Variants in ATG7 observed in about 807,000 individuals in gnomAD.
The protein encoded by ATG7 is ubiquitin-like modifier-activating enzyme ATG7.
In ATG7, 70 loss-of-function variants were observed where a neutral mutation model predicts 82.4. That is an observed-to-expected ratio of 0.85 (90% CI 0.70 to 1.04). The LOEUF is 1.04. Among genes scored for constraint, ATG7 ranks in the 50% least tolerant of loss-of-function variants. ATG7 has a pLI of 0.00. For missense variants in ATG7, 792 were observed against 864.3 expected (o/e 0.92, Z 1.05); for synonymous variants, 287 against 313.0 (o/e 0.92, Z 0.88).
chr3:11,426,882 T>G lies in ATG7; in HGVS notation c.2035T>G (p.Leu679Val), dbSNP rs779294883. Residue 679 changes from leucine (L) to valine (V), a missense_variant, in exon 20 of 21, where the codon TTG becomes GTG. Transcript: ENST00000693202. ...FNSSHSFLED[L>V]TGLTLLHQET... ...TTCTTCACATTCCTTCTTAGAAGAC[T>G]TGACTGGTCTTACATTGCTGCATCA... 8 of 1,611,630 alleles carry G rather than the reference T, an allele frequency of 5.0e-6. No homozygotes were observed. In the African/African-American group the frequency reaches 9.4e-5, roughly 19 times the overall value.
chr3:11,279,125 G>A (rs866260122), intron 1 of ATG7, among the ~76,000 whole-genome samples: 1 of 152,198 alleles, frequency 6.6e-6, no homozygotes, highest in South Asian at 2.1e-4. Flanking sequence ...GGCTAGTGCT[G>A]TCATCTAACC....
At chr3:11,374,905 A>G (rs2077288892) in intron 18 of ATG7, among the ~76,000 whole-genome samples, 1 of 150,064 alleles carries the variant, frequency 6.7e-6, no homozygotes, top group East Asian at 1.9e-4. Flanking sequence ...AAAAAAAAAA[A>G]AAAAAAAAAA....
the ATG7 span, chr3:11,569,014 T>TTAATGATACGGC: frequency 5.4e-6 from 5 of 934,164 alleles, no homozygotes; most frequent in Admixed American, 1.0e-4. Context: ...CAGAGCTTTC[T>TTAATGATACGGC]GAGTACTGAA....
At chr3:11,402,259 C>T (rs561377405) in intron 19 of ATG7, among the ~76,000 whole-genome samples, 14 of 152,228 alleles carry the variant, frequency 9.2e-5, no homozygotes, top group Admixed American at 6.5e-4. Context: ...TGGTGAAACC[C>T]GGTTTCTACT....
At chr3:11,275,796 G>A (rs1941649764) in intron 1 of ATG7, among the ~76,000 whole-genome samples, 1 of 152,104 alleles carries the variant, frequency 6.6e-6, no homozygotes, top group Non-Finnish European at 1.5e-5. Context: ...GGCAGACTGA[G>A]GAATAGCCTA....
chr3:11,467,854 A>G lies in ATG7; in HGVS notation c.2079+40928A>G, dbSNP rs940793791. On this transcript the variant is annotated intron_variant, in intron 20 of 20. Transcript: ENST00000693202. ...TCTTGCCTAACAAAGTAACTGGTAC[A>G]TTATTGTTACTTAATATTTTTACCT... Among the ~76,000 whole-genome samples, 3 of 152,226 alleles carry G rather than the reference A, an allele frequency of 2.0e-5. No homozygotes were observed. In the East Asian group the frequency reaches 5.8e-4, roughly 29 times the overall value.
chr3:11,420,952 T>G (rs1483330019), intron 19 of ATG7, among the ~76,000 whole-genome samples: 1 of 152,092 alleles, frequency 6.6e-6, no homozygotes. Context: ...AGATGGGGTT[T>G]CACCGTGTTA....
At chr3:11,559,223 C>T (rs2072737346), downstream of ATG7, 2 of 1,430,484 alleles carry the variant, frequency 1.4e-6, no homozygotes, top group Non-Finnish European at 1.8e-6. Context: ...TTTTCAACCT[C>T]AGCAATAGAT....
chr3:11,416,879 T>C (rs1262891200), intron 19 of ATG7, among the ~76,000 whole-genome samples: 1 of 152,228 alleles, frequency 6.6e-6, no homozygotes, highest in East Asian at 1.9e-4. Context: ...CTGCATCTCA[T>C]GAATTTTGAT....
chr3:11,378,461 T>A (rs905279139), intron 18 of ATG7, among the ~76,000 whole-genome samples: 2 of 150,458 alleles, frequency 1.3e-5, no homozygotes, highest in Middle Eastern at 3.4e-3. Flanking sequence ...GGCAGGCAGG[T>A]CACCTGAGGC....
chr3:11,453,203 CGG>C (rs201157896), intron 20 of ATG7, among the ~76,000 whole-genome samples: 1 of 152,140 alleles, frequency 6.6e-6, no homozygotes, highest in African/African-American at 2.4e-5. Flanking sequence ...GGAGAACAGA[CGG>C]GGGGCGTGGG....
intron 20 of ATG7, among the ~76,000 whole-genome samples, chr3:11,461,295 T>C (rs1294727273): frequency 1.3e-5 from 2 of 152,194 alleles, no homozygotes; most frequent in African/African-American, 2.4e-5. Flanking sequence ...TTGAAAACTA[T>C]AGGGAATAGT....
intron 19 of ATG7, among the ~76,000 whole-genome samples, chr3:11,408,199 A>G (rs910791230): frequency 6.6e-6 from 1 of 152,222 alleles, no homozygotes; most frequent in Non-Finnish European, 1.5e-5. Flanking sequence ...ACAAATCTCT[A>G]GGGCAGGACA....
intron 20 of ATG7, among the ~76,000 whole-genome samples, chr3:11,532,078 G>A (rs1388482096): frequency 6.6e-6 from 1 of 151,842 alleles, no homozygotes; most frequent in South Asian, 2.1e-4. Flanking sequence ...TCTCCCCTCC[G>A]CCCCACACGC....
chr3:11,379,850 A>G (rs2077746385), intron 18 of ATG7, 122 bp from the exon 19 acceptor site: 5 of 930,274 alleles, frequency 5.4e-6, no homozygotes, highest in South Asian at 1.4e-5. Context: ...ATTTTTGCTC[A>G]TAATCTCTTT....
chr3:11,569,698 C>T, the ATG7 span, among the ~76,000 whole-genome samples: 294 of 152,302 alleles, frequency 1.9e-3, no homozygotes, highest in African/African-American at 6.6e-3. Context: ...GACAGCCAGT[C>T]GTTCACACAG....
chr3:11,514,083 T>TAAAC (rs2092181920), intron 20 of ATG7, among the ~76,000 whole-genome samples: 1 of 152,194 alleles, frequency 6.6e-6, no homozygotes, highest in Non-Finnish European at 1.5e-5. Flanking sequence ...GCCACTGTGT[T>TAAAC]TAGTTTAACA....
chr3:11,464,871 T>C (rs1477397782), intron 20 of ATG7, among the ~76,000 whole-genome samples: 3 of 152,132 alleles, frequency 2.0e-5, no homozygotes, highest in Non-Finnish European at 4.4e-5. Context: ...TACTATAAAA[T>C]GGAAATAGCA....
chr3:11,490,116 C>G (rs1049022639), intron 20 of ATG7, among the ~76,000 whole-genome samples: 55 of 152,128 alleles, frequency 3.6e-4, no homozygotes, highest in African/African-American at 1.3e-3. Context: ...GAGTCTAAGT[C>G]TCTTTGTAGG....
Sources: allele counts gnomAD v4.1 joint callset (sites outside exome capture counted in the v4.1 genomes callset), GRCh38; gene constraint gnomAD v4.1.1; transcripts MANE v1.5; gene names NCBI Gene and HGNC (gene_info 2026-07-23, HGNC 2026-07-21).